Variants in CARHSP1 observed in about 807,000 individuals in gnomAD.
CARHSP1 encodes the protein calcium regulated heat stable protein 1, also known as calcium-regulated heat-stable protein 1.
CARHSP1 carries 14 observed loss-of-function variants against 12.5 expected under a neutral mutation model. The observed-to-expected ratio is 1.12, with a 90% CI of 0.74 to 1.75. CARHSP1 has a LOEUF of 1.75. Among genes scored for constraint, CARHSP1 ranks in the 40% most tolerant of loss-of-function variants. The pLI is 0.00. For missense variants in CARHSP1, 343 were observed against 201.6 expected (o/e 1.70, Z -4.25); for synonymous variants, 161 against 82.0 (o/e 1.96, Z -5.20).
intron 3 of CARHSP1, among the ~76,000 whole-genome samples, chr16:8,856,868 C>T (rs975974329): frequency 6.6e-6 from 1 of 152,124 alleles, no homozygotes; most frequent in Non-Finnish European, 1.5e-5. Context: ...GGGTGCCTTC[C>T]AGCCCAGCCC....
intron 2 of CARHSP1, 103 bp from the exon 3 acceptor site, chr16:8,858,575 G>A: frequency 7.1e-7 from 1 of 1,416,256 alleles, no homozygotes; most frequent in Non-Finnish European, 9.6e-7. Flanking sequence ...GCCCTGGCCA[G>A]GACCGCCATG....
At position 8,855,180 on chromosome 16, in the gene CARHSP1, T is replaced by A. The variant is rs765806303; in HGVS notation, c.428A>T (p.His143Leu). 2 of 1,600,354 alleles carry A rather than the reference T, an allele frequency of 1.2e-6. No individual in the cohort carries two copies. Reference sequence around the variant, plus strand: ...CACCATCTCCTAGGAGCTGATGACATGTCCAGACCAGGTCTCATGCTTGGT... The same window carrying A: ...CACCATCTCCTAGGAGCTGATGACAAGTCCAGACCAGGTCTCATGCTTGGT... ...PGTKHETWSG[H>L]VISS The change falls in exon 4 of 4, where the codon CAT becomes CTT. Residue 143 changes from histidine (H) to leucine (L), a missense_variant. Coordinates refer to ENST00000311052, the MANE Select transcript of CARHSP1 (RefSeq NM_014316.4).
chr16:8,860,630 G>A, intron 1 of CARHSP1: 1 of 383,992 alleles, frequency 2.6e-6, no homozygotes, highest in Non-Finnish European at 3.4e-6. Flanking sequence ...GGCTGGTGAT[G>A]GGGGTACGAG....
chr16:8,863,775 G>A (rs1030917527), intron 1 of CARHSP1, among the ~76,000 whole-genome samples: 7 of 152,152 alleles, frequency 4.6e-5, no homozygotes, highest in South Asian at 4.1e-4. Flanking sequence ...ACTGGGGGGC[G>A]GGTAACCAGG....
chr16:8,856,695 T>C (rs1555455526), intron 3 of CARHSP1, among the ~76,000 whole-genome samples: 1 of 152,190 alleles, frequency 6.6e-6, no homozygotes, highest in Non-Finnish European at 1.5e-5. Context: ...GGTTTCCGTG[T>C]TAGCGGGTAT....
rs140668951 is a variant in CARHSP1, at chr16:8,859,243, C to G, written c.86G>C (p.Arg29Pro). 15 of 1,600,594 alleles carry G rather than the reference C, an allele frequency of 9.4e-6. No homozygotes were observed. Among genetic ancestry groups the G allele is most frequent in the Admixed American group, 1.7e-5 (1 of 57,794 alleles). The change falls in exon 2 of 4, where the codon CGC (arginine) becomes CCC (proline). Residue 29 changes from arginine to proline, a missense_variant. Physicochemically the swap from Arg to Pro is moderately radical, Grantham distance 103. Transcript: ENST00000311052. ...GTTGCCCCGCAGAGGGGATGGTGAGCGCTCACGGCTCCGAGGGGTGTCCAG... is the reference window on the plus strand; with the variant it reads ...GTTGCCCCGCAGAGGGGATGGTGAGGGCTCACGGCTCCGAGGGGTGTCCAG... ...GLLDTPRSRE[R>P]SPSPLRGNVV...
At chr16:8,860,596 GGGCATCACTTGGCACCTGCGCA>G (rs1313193958) in intron 1 of CARHSP1, 3 of 841,220 alleles carry the variant, frequency 3.6e-6, no homozygotes, top group African/African-American at 1.8e-5. Context: ...GCAGCTGGGT[GGGCATCACTTGGCACCTGCGCA>G]GGGCTGGTGA....
At chr16:8,861,679 T>C (rs1316174173) in intron 1 of CARHSP1, 2 of 1,288,994 alleles carry the variant, frequency 1.6e-6, no homozygotes, top group South Asian at 2.5e-5. Flanking sequence ...CTGTCCCTTC[T>C]CTCAGCTACA....
At position 8,853,797 on chromosome 16, in the gene CARHSP1, G is replaced by C. The variant is rs2061011319; in HGVS notation, c.*1367C>G. 6.6e-6 allele frequency: 1 copy of C among 152,150 alleles called. No homozygotes were observed. 9.4% of individuals were successfully genotyped at this position (152,150 alleles called of 1,614,324 possible). A position where few individuals can be genotyped will look rare whatever the true frequency, so the allele number is the denominator to read the frequency against. The stretch of plus-strand genomic sequence containing the variant: ...GTTTACCAGAAATACCTACAAAAAA[G>C]TTTGCAGGCCGGGCGCGATGGCTCA... On this transcript the variant is annotated 3_prime_UTR_variant, in exon 4 of 4. Coordinates refer to ENST00000311052, the MANE Select transcript of CARHSP1 (RefSeq NM_014316.4).
At chr16:8,855,905 C>T (rs971056421) in intron 3 of CARHSP1, among the ~76,000 whole-genome samples, 2 of 152,172 alleles carry the variant, frequency 1.3e-5, no homozygotes, top group Admixed American at 6.5e-5. Context: ...TTACTGCATC[C>T]ACCTCCCGAG....
chr16:8,864,012 G>A (rs992815893), intron 1 of CARHSP1, among the ~76,000 whole-genome samples: 3 of 152,196 alleles, frequency 2.0e-5, no homozygotes, highest in Admixed American at 1.3e-4. Context: ...AGCTGGGGGA[G>A]GGAGGAAGGC....
intron 1 of CARHSP1, chr16:8,861,588 A>G: frequency 7.8e-7 from 1 of 1,281,086 alleles, no homozygotes; most frequent in Non-Finnish European, 1.0e-6. Context: ...ACATTGCTGC[A>G]CTCTCCCGTT....
At chr16:8,862,059 A>G (rs1174513923) in intron 1 of CARHSP1, among the ~76,000 whole-genome samples, 4 of 138,910 alleles carry the variant, frequency 2.9e-5, no homozygotes, top group Admixed American at 7.6e-5. Context: ...CTGGAGTGCA[A>G]TGGCACAATC....
rs2061268548 is a variant in CARHSP1 at position 8,859,369 on chromosome 16, C to T, written c.-7-34G>A. ...AGAAGAGGCTGTCAGGGGCTCGTGC[C>T]TTGCAAGGTAGGGACCCTGTGCTTA... On this transcript the variant is annotated intron_variant, in intron 1 of 3. Transcript: ENST00000311052. The T allele has an allele frequency of 1.9e-6, 3 of 1,577,876 alleles. No homozygotes were observed. The South Asian group carries it at 3.4e-5, about 18-fold the overall frequency.
At position 8,855,008 on chromosome 16, in the gene CARHSP1, C is replaced by A; in HGVS notation, c.*156G>T. The A allele has an allele frequency of 1.4e-5, 7 of 515,348 alleles. No homozygotes were observed. Among genetic ancestry groups the A allele is most frequent in the Middle Eastern group, 5.5e-4 (1 of 1,804 alleles). The allele number at this position is 515,348 out of a possible 1,614,324, so 31.9% of individuals were successfully genotyped here. On this transcript the variant is annotated 3_prime_UTR_variant, in exon 4 of 4. Coordinates refer to ENST00000311052, the MANE Select transcript of CARHSP1 (RefSeq NM_014316.4). ...GGCCGGGAACACCCCACACCCCACA[C>A]CTGCCCCCCATACCCCTTCCTCCAG... is the stretch of plus-strand genomic sequence containing the variant.
At chr16:8,860,259 C>T (rs886655411) in intron 1 of CARHSP1, 29 of 982,668 alleles carry the variant, frequency 3.0e-5, no homozygotes, top group Middle Eastern at 5.2e-4. Flanking sequence ...TCCAAGGCTG[C>T]ATCCAGCTCC....
rs761712539 is a variant in CARHSP1 at position 8,855,119 on chromosome 16, C to G, written c.*45G>C. On this transcript the variant is annotated 3_prime_UTR_variant, in exon 4 of 4. Coordinates refer to ENST00000311052, the MANE Select transcript of CARHSP1 (RefSeq NM_014316.4). Reference sequence around the variant, plus strand: ...TCCAGTGTCTGCTGCCTCCTCCCTGCAAAGTCTCCCACAAGCACAGGACAA... The same window carrying G: ...TCCAGTGTCTGCTGCCTCCTCCCTGGAAAGTCTCCCACAAGCACAGGACAA... 9 of 1,447,326 alleles carry G rather than the reference C, an allele frequency of 6.2e-6. No individual in the cohort carries two copies. Among genetic ancestry groups the G allele is most frequent in the Non-Finnish European group, 8.3e-6 (9 of 1,085,958 alleles). 89.7% of individuals were successfully genotyped at this position (1,447,326 alleles called of 1,614,324 possible). A position where few individuals can be genotyped will look rare whatever the true frequency, so the allele number is the denominator to read the frequency against.
chr16:8,854,608 C>CT lies in CARHSP1; in HGVS notation c.*555dup, dbSNP rs1465901138. The CT allele has an allele frequency of 6.5e-6, 1 of 152,864 alleles. No individual in the cohort carries two copies. The allele number at this position is 152,864 out of a possible 1,614,324, so 9.5% of individuals were successfully genotyped here. On this transcript the variant is annotated 3_prime_UTR_variant, in exon 4 of 4. Coordinates refer to ENST00000311052, the MANE Select transcript of CARHSP1 (RefSeq NM_014316.4). ...CCAATCCAAAGACCGCCACCCCCGC[C>CT]TTTCCCCACCCACTTCAAGCCAGCT...
chr16:8,855,194 C>T lies in CARHSP1; in HGVS notation c.414G>A (p.Glu138=). 5 of 1,612,000 alleles carry T rather than the reference C, an allele frequency of 3.1e-6. No individual in the cohort carries two copies. The highest frequency in any genetic ancestry group is 4.2e-6 in the Non-Finnish European group (5 of 1,178,720). ...ITHLAPGTKH[E]TWSGHVISS ...AGCTGATGACATGTCCAGACCAGGT[C>T]TCATGCTTGGTGCCTGGTGCCAGGT... Residue 138 remains glutamate, a synonymous_variant, in exon 4 of 4, where the codon GAG becomes GAA. Transcript: ENST00000311052.
Sources: allele counts gnomAD v4.1 joint callset (sites outside exome capture counted in the v4.1 genomes callset), GRCh38; gene constraint gnomAD v4.1.1; transcripts MANE v1.5; gene names NCBI Gene and HGNC (gene_info 2026-07-23, HGNC 2026-07-21).